AKAP7: variants seen among roughly 807,000 people sequenced by gnomAD.
AKAP7 encodes the protein A-kinase anchoring protein 7, also known as A kinase (PRKA) anchor protein 7.
A neutral mutation model predicts 39.5 loss-of-function variants in AKAP7; 39 were observed. The ratio of observed to expected loss-of-function variants is 0.99; its 90% CI spans 0.76 to 1.29. The LOEUF (loss-of-function observed/expected upper bound fraction) is 1.29, where lower values mean the gene tolerates loss of function less well. Among genes scored for constraint, AKAP7 ranks in the 50% most tolerant of loss-of-function variants. The pLI, the probability that AKAP7 is intolerant of heterozygous loss-of-function variation, is 0.00. For synonymous variants in AKAP7, 140 were observed against 139.1 expected (o/e 1.01, Z -0.05); for missense variants, 414 against 407.7 (o/e 1.02, Z -0.13).
intron 7 of AKAP7, among the ~76,000 whole-genome samples, chr6:131,273,940 C>CTTTTT (rs1161809027): frequency 1.5e-5 from 2 of 130,316 alleles, no homozygotes; most frequent in Admixed American, 7.7e-5. Context: ...GTTGCCTTTT[C>CTTTTT]TTTTTTTTTT....
chr6:131,250,275 C>T, intron 7 of AKAP7: 2 of 1,198,004 alleles, frequency 1.7e-6, no homozygotes, highest in East Asian at 4.0e-5. Context: ...TGGCCAGGGA[C>T]TCACAGTTTT....
chr6:131,181,334 G>T (rs1805216710), intron 5 of AKAP7, among the ~76,000 whole-genome samples: 1 of 152,172 alleles, frequency 6.6e-6, no homozygotes, highest in African/African-American at 2.4e-5. Flanking sequence ...CCCAGCATCA[G>T]TCATTTTAGA....
In AKAP7 at chr6:131,135,624, C is replaced by A. The variant is rs1244425553; in HGVS notation, c.-140C>A. 1.3e-6 allele frequency: 1 copy of A among 759,610 alleles called. No homozygotes were observed. The highest frequency in any genetic ancestry group is 1.2e-4 in the East Asian group (1 of 8,384). 47.1% of individuals were successfully genotyped at this position (759,610 alleles called of 1,614,324 possible). On this transcript the variant is annotated 5_prime_UTR_variant, in exon 1 of 8. Coordinates refer to ENST00000431975, the MANE Select transcript of AKAP7 (RefSeq NM_016377.4). The stretch of plus-strand genomic sequence containing the variant: ...CGGGCCCCCGCAGCCTGTCGCTGGA[C>A]CCCGCGCCGGCCCAGCGCACCGCCC...
At chr6:131,152,393 T>G (rs898773385) in intron 2 of AKAP7, among the ~76,000 whole-genome samples, 28 of 152,254 alleles carry the variant, frequency 1.8e-4, no homozygotes, top group African/African-American at 6.3e-4. Flanking sequence ...TAATATCCAG[T>G]TGTATTTTAG....
At chr6:131,177,469 G>A (rs76279194) in intron 5 of AKAP7, among the ~76,000 whole-genome samples, 7,039 of 152,118 alleles carry the variant, frequency 0.046, 424 homozygotes, top group East Asian at 0.16. Flanking sequence ...TTATGAGAGC[G>A]TACTCTTTAG....
chr6:131,208,810 C>T (rs1198919809), intron 6 of AKAP7, among the ~76,000 whole-genome samples: 1 of 152,178 alleles, frequency 6.6e-6, no homozygotes, highest in Non-Finnish European at 1.5e-5. Context: ...TTACTCAGGA[C>T]CGTGGCTGGG....
intron 7 of AKAP7, among the ~76,000 whole-genome samples, chr6:131,248,344 C>T (rs144628187): frequency 1.7e-4 from 26 of 152,286 alleles, no homozygotes; most frequent in African/African-American, 5.3e-4. Flanking sequence ...GGGATTTAAA[C>T]CCATGGTTTC....
At chr6:131,242,095 G>A in intron 7 of AKAP7, 1 of 983,256 alleles carries the variant, frequency 1.0e-6, no homozygotes, top group Non-Finnish European at 1.2e-6. Context: ...ATGCCTAAGG[G>A]ACTGAGTGTG....
chr6:131,156,501 G>A (rs1229711437), intron 2 of AKAP7, among the ~76,000 whole-genome samples: 1 of 151,840 alleles, frequency 6.6e-6, no homozygotes, highest in East Asian at 1.9e-4. Context: ...AATGAGCTGT[G>A]GTGGTGCATA....
chr6:131,199,765 C>G (rs1020652583), intron 6 of AKAP7, among the ~76,000 whole-genome samples, 192 bp downstream of exon 6: 3 of 152,170 alleles, frequency 2.0e-5, no homozygotes, highest in Non-Finnish European at 2.9e-5. Flanking sequence ...TCAGCTTTGC[C>G]TGCCTTTGCC....
chr6:131,253,534 T>C (rs1270113069), intron 7 of AKAP7, among the ~76,000 whole-genome samples: 1 of 152,200 alleles, frequency 6.6e-6, no homozygotes, highest in African/African-American at 2.4e-5. Flanking sequence ...TACTGTGCTG[T>C]CAAACATTAG....
rs189891409 is a variant in AKAP7, at chr6:131,276,762, C to T, written c.851-4768C>T. On this transcript the variant is annotated intron_variant, in intron 7 of 7. Coordinates refer to ENST00000431975, the MANE Select transcript of AKAP7 (RefSeq NM_016377.4). ...TAACATGGTTGCACTCCATCTTAAACTGTATTGTAATGAAGATTTTTCTTT... is the reference window on the plus strand; with the variant it reads ...TAACATGGTTGCACTCCATCTTAAATTGTATTGTAATGAAGATTTTTCTTT... 2.1e-3 allele frequency among the ~76,000 whole-genome samples: 316 copies of T among 152,246 alleles called. 1 individual carries two copies. The highest frequency in any genetic ancestry group is 7.3e-3 in the African/African-American group (303 of 41,538).
intron 7 of AKAP7, among the ~76,000 whole-genome samples, chr6:131,272,372 CCTA>C (rs746554993): frequency 6.6e-6 from 1 of 151,902 alleles, no homozygotes; most frequent in Admixed American, 6.6e-5. Context: ...ATTTCATTCT[CCTA>C]CTATTTTTAT....
At chr6:131,136,950 A>G (rs1258494775) in intron 1 of AKAP7, 1 of 769,992 alleles carries the variant, frequency 1.3e-6, no homozygotes. Context: ...GTACTTATGT[A>G]TGTATGTATA....
chr6:131,133,149 G>A (rs980349568), upstream of AKAP7, among the ~76,000 whole-genome samples: 5 of 152,050 alleles, frequency 3.3e-5, no homozygotes, highest in Admixed American at 2.6e-4. Flanking sequence ...AAAAAGTCAT[G>A]GTAAATCTTT....
intron 2 of AKAP7, among the ~76,000 whole-genome samples, chr6:131,149,992 G>A (rs866341036): frequency 1.3e-5 from 2 of 152,072 alleles, no homozygotes; most frequent in Non-Finnish European, 2.9e-5. Flanking sequence ...CACATTTATC[G>A]AATTTATTTA....
chr6:131,183,806 A>G (rs1419720663), intron 5 of AKAP7, among the ~76,000 whole-genome samples: 1 of 151,964 alleles, frequency 6.6e-6, no homozygotes, highest in Non-Finnish European at 1.5e-5. Context: ...GCAGAGAGCC[A>G]CTCTGGAGGA....
intron 5 of AKAP7, among the ~76,000 whole-genome samples, chr6:131,181,396 T>C (rs1159413734): frequency 6.6e-6 from 1 of 152,186 alleles, no homozygotes; most frequent in African/African-American, 2.4e-5. Context: ...ATCACTCCCA[T>C]TCGTTCCCTA....
At chr6:131,263,338 G>C (rs1224098966) in intron 7 of AKAP7, among the ~76,000 whole-genome samples, 2 of 152,080 alleles carry the variant, frequency 1.3e-5, no homozygotes, top group Admixed American at 6.6e-5. Context: ...ACTCTCTCTG[G>C]CTTCACTCAG....
Sources: allele counts gnomAD v4.1 joint callset (sites outside exome capture counted in the v4.1 genomes callset), GRCh38; gene constraint gnomAD v4.1.1; transcripts MANE v1.5; gene names NCBI Gene and HGNC (gene_info 2026-07-23, HGNC 2026-07-21).